PRKCQ: variants seen among roughly 807,000 people sequenced by gnomAD.
PRKCQ encodes the protein protein kinase C theta.
Under a neutral mutation model 91.2 loss-of-function variants are expected in PRKCQ, and 41 were observed. The observed-to-expected ratio is 0.45, with a 90% CI of 0.35 to 0.58. The LOEUF is 0.58. Among genes scored for constraint, PRKCQ ranks in the 20% least tolerant of loss-of-function variants. The probability of loss-of-function intolerance (pLI) is 0.00; values close to 1 mark genes in which losing one functional copy is unlikely to be tolerated. For synonymous variants in PRKCQ, 307 were observed against 316.9 expected, an observed-to-expected ratio of 0.97 and a Z score of 0.33; for missense variants, 673 against 896.5, an observed-to-expected ratio of 0.75 and a Z score of 3.18.
intron 1 of PRKCQ, among the ~76,000 whole-genome samples, chr10:6,542,601 C>T (rs1588403023): frequency 2.0e-5 from 3 of 152,280 alleles, no homozygotes; most frequent in Non-Finnish European, 2.9e-5. Context: ...AGTTCTCCCT[C>T]GGGGACAACA....
At chr10:6,522,777 T>C (rs955331016) in intron 1 of PRKCQ, among the ~76,000 whole-genome samples, 1 of 152,146 alleles carries the variant, frequency 6.6e-6, no homozygotes, top group South Asian at 2.1e-4. Context: ...ACCTCTCACA[T>C]GTGGAAGAAA....
rs761129104 is a variant in PRKCQ, at chr10:6,497,160, G to A, written c.575-40C>T. The stretch of plus-strand genomic sequence containing the variant: ...AAAATCACAGCTTAAGATTTTCATA[G>A]CCTAAGGAATAACTAAATAAAAAGA... On this transcript the variant is annotated intron_variant, in intron 6 of 17. Coordinates refer to ENST00000263125, the MANE Select transcript of PRKCQ (RefSeq NM_006257.5). This position sits in a 1 kb window ranked among gnomAD's most constrained non-coding sequence, Gnocchi z 4.5. 76 of 1,613,520 alleles carry A rather than the reference G, an allele frequency of 4.7e-5. No individual in the cohort carries two copies. In the South Asian group the frequency reaches 5.9e-4, roughly 13 times the overall value.
chr10:6,534,545 A>C (rs950833002), intron 1 of PRKCQ, among the ~76,000 whole-genome samples: 1 of 152,058 alleles, frequency 6.6e-6, no homozygotes, highest in African/African-American at 2.4e-5. Flanking sequence ...GTATTAAATG[A>C]CTTTAAAGTG....
chr10:6,424,442 C>A (rs79367575), downstream of PRKCQ, among the ~76,000 whole-genome samples: 1 of 152,174 alleles, frequency 6.6e-6, no homozygotes, highest in Admixed American at 6.5e-5. Context: ...CCTCTCCTTC[C>A]GCAGTCCGAT....
At chr10:6,476,781 G>T (rs1836290710) in intron 12 of PRKCQ, among the ~76,000 whole-genome samples, 1 of 152,172 alleles carries the variant, frequency 6.6e-6, no homozygotes, top group Admixed American at 6.5e-5. Flanking sequence ...TACTGCAAAG[G>T]GAAAAGATTA....
At chr10:6,457,802 G>A (rs1487141691) in intron 14 of PRKCQ, among the ~76,000 whole-genome samples, 2 of 152,102 alleles carry the variant, frequency 1.3e-5, no homozygotes, top group Non-Finnish European at 2.9e-5. Flanking sequence ...TCACAGTAAT[G>A]CCCAATATTG....
intron 1 of PRKCQ, among the ~76,000 whole-genome samples, chr10:6,537,111 C>T (rs924282685): frequency 7.2e-5 from 11 of 152,098 alleles, no homozygotes; most frequent in Admixed American, 6.5e-4. Context: ...GCAGAAGAGG[C>T]GGTTTGACTC....
intron 8 of PRKCQ, chr10:6,489,516 A>G (rs1564345153): frequency 1.9e-6 from 1 of 512,986 alleles, no homozygotes; most frequent in Admixed American, 2.1e-5. Flanking sequence ...GCCCTACTTA[A>G]GACGACGGCC....
chr10:6,546,166 G>A (rs1003931376), intron 1 of PRKCQ, among the ~76,000 whole-genome samples: 28 of 152,192 alleles, frequency 1.8e-4, no homozygotes, highest in Non-Finnish European at 2.5e-4. Context: ...CAAATGTTAG[G>A]TGTTACTCAT....
chr10:6,551,792 T>C (rs1840195445), intron 1 of PRKCQ, among the ~76,000 whole-genome samples: 1 of 152,246 alleles, frequency 6.6e-6, no homozygotes. Context: ...CACGTGCGTG[T>C]GTCTTTATGA....
intron 8 of PRKCQ, among the ~76,000 whole-genome samples, chr10:6,488,530 C>T (rs536306789): frequency 6.6e-6 from 1 of 151,880 alleles, no homozygotes; most frequent in South Asian, 2.1e-4. Flanking sequence ...GGATTACAGG[C>T]GCCCATCACC....
intron 1 of PRKCQ, among the ~76,000 whole-genome samples, chr10:6,571,807 A>G (rs1481652533): frequency 1.3e-5 from 2 of 151,906 alleles, no homozygotes. Context: ...CTGCCTCAAA[A>G]ACAAACAAAC....
intron 1 of PRKCQ, among the ~76,000 whole-genome samples, chr10:6,545,327 T>A (rs1564384833): frequency 6.6e-6 from 1 of 152,214 alleles, no homozygotes; most frequent in Non-Finnish European, 1.5e-5. Context: ...ACAACAACCT[T>A]TGAAAAATGG....
At chr10:6,575,390 C>T (rs563953478) in intron 1 of PRKCQ, among the ~76,000 whole-genome samples, 1 of 152,226 alleles carries the variant, frequency 6.6e-6, no homozygotes, top group African/African-American at 2.4e-5. Context: ...ATCTGTCCCA[C>T]ACATTCAGGG....
At chr10:6,527,217 T>C (rs1839230974) in intron 1 of PRKCQ, among the ~76,000 whole-genome samples, 1 of 152,152 alleles carries the variant, frequency 6.6e-6, no homozygotes, top group Admixed American at 6.5e-5. Flanking sequence ...GAACTAAGGA[T>C]GTAAAAGTTG....
intron 13 of PRKCQ, 132 bp downstream of exon 13, chr10:6,464,181 C>G: frequency 2.5e-6 from 2 of 785,216 alleles, no homozygotes; most frequent in East Asian, 2.5e-5. Context: ...AAACTGTCGC[C>G]TTGCTCGATG....
the PRKCQ span, among the ~76,000 whole-genome samples, chr10:6,403,866 C>T: frequency 2.6e-5 from 4 of 152,012 alleles, no homozygotes; most frequent in Non-Finnish European, 5.9e-5. Flanking sequence ...TCATTAGCCT[C>T]AGCAATACTT....
intron 13 of PRKCQ, 133 bp downstream of exon 13, chr10:6,464,180 C>T (rs1835507025): frequency 5.1e-6 from 4 of 778,140 alleles, no homozygotes; most frequent in Non-Finnish European, 8.8e-6. Context: ...AAAACTGTCG[C>T]CTTGCTCGAT....
chr10:6,431,066 G>T, intron 16 of PRKCQ, 128 bp from the exon 17 acceptor site: 2 of 1,255,300 alleles, frequency 1.6e-6, no homozygotes, highest in South Asian at 1.6e-5. Context: ...CCTTCATCAG[G>T]ACTGACTAAA....
Sources: gnomAD v4.1 joint callset for allele counts (sites outside exome capture counted in the v4.1 genomes callset) on GRCh38, gnomAD v4.1.1 for gene constraint, Gnocchi (gnomAD v3.1) non-coding constraint, MANE v1.5 for transcripts, NCBI Gene and HGNC (gene_info 2026-07-23, HGNC 2026-07-21) for gene names.